TRPS1: variants seen among roughly 807,000 people sequenced by gnomAD.
The protein encoded by TRPS1 is zinc finger transcription factor Trps1.
TRPS1 carries 6 observed loss-of-function variants against 101.2 expected under a neutral mutation model. The observed-to-expected ratio is 0.06, with a 90% CI of 0.03 to 0.12. TRPS1 has a LOEUF of 0.12. Ranked by LOEUF, TRPS1 falls within the 10% of genes least tolerant of loss-of-function variation. The pLI, the probability that TRPS1 is intolerant of heterozygous loss-of-function variation, is 1.00. For synonymous variants in TRPS1, 578 were observed against 589.8 expected (o/e 0.98, Z 0.29); for missense variants, 1,363 against 1,567.0 (o/e 0.87, Z 2.20).
At chr8:115,618,697 T>A (rs926050766) in intron 3 of TRPS1, among the ~76,000 whole-genome samples, 1 of 152,070 alleles carries the variant, frequency 6.6e-6, no homozygotes, top group Non-Finnish European at 1.5e-5. Context: ...TAAAATCAAA[T>A]CCTAATCCAA....
At chr8:115,655,924 C>A (rs948405312) in intron 1 of TRPS1, among the ~76,000 whole-genome samples, 2 of 152,046 alleles carry the variant, frequency 1.3e-5, no homozygotes, top group African/African-American at 4.8e-5. Flanking sequence ...AACATTTTGG[C>A]AAAATGTTTG....
chr8:115,425,308 CTCTATCAGGT>C (rs1406358219), intron 5 of TRPS1, among the ~76,000 whole-genome samples: 1 of 152,182 alleles, frequency 6.6e-6, no homozygotes, highest in Non-Finnish European at 1.5e-5. Flanking sequence ...ACTGAAGGGA[CTCTATCAGGT>C]TCAGCCAAGC....
chr8:115,570,967 T>C (rs369166838), intron 5 of TRPS1, among the ~76,000 whole-genome samples: 2 of 152,330 alleles, frequency 1.3e-5, no homozygotes, highest in Admixed American at 6.5e-5. Flanking sequence ...AAGGTCAGAC[T>C]AGCTTGGGCT....
chr8:115,518,425 T>C (rs1414957315), intron 5 of TRPS1, among the ~76,000 whole-genome samples: 1 of 151,742 alleles, frequency 6.6e-6, no homozygotes, highest in Non-Finnish European at 1.5e-5. Flanking sequence ...ATTATAGAGA[T>C]TATCAGAAAG....
Position 115,466,845 on chromosome 8 carries a change from T to G in TRPS1, c.2701-48393A>C, listed in dbSNP as rs570892168. ...AATATTTTGACAGATTCTCCCAACTTTAATTTCCTTTTTGTAATGGTAGTG... is the reference window on the plus strand; with the variant it reads ...AATATTTTGACAGATTCTCCCAACTGTAATTTCCTTTTTGTAATGGTAGTG... On this transcript the variant is annotated intron_variant, in intron 5 of 6. Coordinates refer to ENST00000395715, the MANE Select transcript of TRPS1 (RefSeq NM_014112.5). Among the ~76,000 whole-genome samples the G allele has an allele frequency of 3.9e-5, 6 of 152,262 alleles. No individual in the cohort carries two copies. In the South Asian group the frequency reaches 8.3e-4, roughly 21 times the overall value.
intron 5 of TRPS1, among the ~76,000 whole-genome samples, chr8:115,535,874 C>T (rs894134989): frequency 6.6e-6 from 1 of 151,692 alleles, no homozygotes; most frequent in Non-Finnish European, 1.5e-5. Context: ...ATTAATAAAA[C>T]TGCAGAGCAT....
In TRPS1 at chr8:115,467,331, T is replaced by G. The variant is rs1249976129; in HGVS notation, c.2701-48879A>C. Among the ~76,000 whole-genome samples, 6 of 151,906 alleles carry G rather than the reference T, an allele frequency of 3.9e-5. 1 individual carries two copies. Among genetic ancestry groups the G allele is most frequent in the Admixed American group, 3.9e-4 (6 of 15,234 alleles). On this transcript the variant is annotated intron_variant, in intron 5 of 6. Transcript: ENST00000395715. ...AAGCTTTATGGCAAAACCCACTCAA[T>G]GATTTAAAAATGCTCCAGGAACACT... is the stretch of plus-strand genomic sequence containing the variant.
intron 5 of TRPS1, among the ~76,000 whole-genome samples, chr8:115,532,309 G>A (rs1481653219): frequency 6.6e-6 from 1 of 151,790 alleles, no homozygotes; most frequent in Non-Finnish European, 1.5e-5. Context: ...TTTGACTGAT[G>A]AAAACTGTAA....
At chr8:115,501,104 T>C (rs1180873644) in intron 5 of TRPS1, among the ~76,000 whole-genome samples, 1 of 152,226 alleles carries the variant, frequency 6.6e-6, no homozygotes, top group African/African-American at 2.4e-5. Context: ...CCACTACTCT[T>C]TTCTGGTTCT....
Position 115,413,787 on chromosome 8 carries a change from G to C in TRPS1, c.*236C>G, listed in dbSNP as rs1812844393. On this transcript the variant is annotated 3_prime_UTR_variant, in exon 7 of 7. Coordinates refer to ENST00000395715, the MANE Select transcript of TRPS1 (RefSeq NM_014112.5). ...TAGCCAAGATGGTTTTGACTTAACA[G>C]GTTTTAAAAAGTGATTGTTTACCAT... The C allele has an allele frequency of 1.9e-6, 1 of 523,204 alleles. No homozygotes were observed. Among genetic ancestry groups the C allele is most frequent in the Non-Finnish European group, 3.4e-6 (1 of 296,730 alleles). The allele number at this position is 523,204 out of a possible 1,614,324, so 32.4% of individuals were successfully genotyped here. A position where few individuals can be genotyped will look rare whatever the true frequency, so the allele number is the denominator to read the frequency against.
intron 1 of TRPS1, among the ~76,000 whole-genome samples, chr8:115,662,105 T>C (rs576538046): frequency 6.6e-6 from 1 of 151,868 alleles, no homozygotes; most frequent in South Asian, 2.1e-4. Context: ...AAAGAAGCCA[T>C]AAGCAAAAAA....
rs527409448 is a variant in TRPS1, at chr8:115,489,681, G to A, written c.2701-71229C>T. On this transcript the variant is annotated intron_variant, in intron 5 of 6. Transcript: ENST00000395715. Reference sequence around the variant, plus strand: ...AAAAATGCACACATGACATTTTGTAGAGCATGGTAAATATTATTAGAAATA... The same window carrying A: ...AAAAATGCACACATGACATTTTGTAAAGCATGGTAAATATTATTAGAAATA... Among the ~76,000 whole-genome samples, 4 of 152,178 alleles carry A rather than the reference G, an allele frequency of 2.6e-5. No homozygotes were observed. The South Asian group carries it at 8.3e-4, about 32-fold the overall frequency.
intron 5 of TRPS1, among the ~76,000 whole-genome samples, chr8:115,445,792 A>C (rs1203057195): frequency 6.6e-6 from 1 of 152,206 alleles, no homozygotes; most frequent in African/African-American, 2.4e-5. Flanking sequence ...AAAATTACTA[A>C]GGTAATACCT....
chr8:115,587,073 A>T lies in TRPS1; in HGVS notation c.2628T>A (p.Ser876=), dbSNP rs774161341. 6.2e-7 allele frequency: 1 copy of T among 1,614,136 alleles called. No individual in the cohort carries two copies. Among genetic ancestry groups the T allele is most frequent in the South Asian group, 1.1e-5 (1 of 91,090 alleles). Residue 876 remains serine, a synonymous_variant, in exon 5 of 7, where the codon TCT becomes TCA. Coordinates refer to ENST00000395715, the MANE Select transcript of TRPS1 (RefSeq NM_014112.5). ...CAGGATACTGCTGGGGGAGGGCCCC[A>T]GACTTCTCTCCGCCAGCTGGCGCCC... The part of the protein sequence containing the change: ...LQGAPAGGEK[S]GALPQQYPAS...
rs527631979 is a variant in TRPS1 at position 115,662,441 on chromosome 8, C to A, written c.-122+6104G>T. ...CAGGAACAATTCACAAAAGAAAAGT[C>A]GAAACAGTACTTAGTTCTGAGCCAC... On this transcript the variant is annotated intron_variant, in intron 1 of 6. Coordinates refer to ENST00000395715, the MANE Select transcript of TRPS1 (RefSeq NM_014112.5). Among the ~76,000 whole-genome samples the A allele has an allele frequency of 3.9e-5, 6 of 152,002 alleles. No homozygotes were observed. The South Asian group carries it at 1.2e-3, about 32-fold the overall frequency.
At chr8:115,644,024 G>A (rs566008474) in intron 1 of TRPS1, among the ~76,000 whole-genome samples, 2 of 152,314 alleles carry the variant, frequency 1.3e-5, no homozygotes, top group East Asian at 3.9e-4. Flanking sequence ...GGTCTCAACA[G>A]TGCACTTCAA....
chr8:115,474,457 G>A (rs777799851), intron 5 of TRPS1, among the ~76,000 whole-genome samples: 1 of 152,070 alleles, frequency 6.6e-6, no homozygotes, highest in African/African-American at 2.4e-5. Context: ...ACAGCACTTT[G>A]CAAGCTCTTT....
intron 5 of TRPS1, among the ~76,000 whole-genome samples, chr8:115,573,908 T>C (rs1817262026): frequency 6.6e-6 from 1 of 152,184 alleles, no homozygotes; most frequent in Admixed American, 6.5e-5. Context: ...CCAGTCTTCC[T>C]TTCCGAAACA....
At chr8:115,552,853 A>T (rs982693250) in intron 5 of TRPS1, among the ~76,000 whole-genome samples, 6 of 151,806 alleles carry the variant, frequency 4.0e-5, no homozygotes, top group Non-Finnish European at 8.8e-5. Context: ...CCCACCCCCT[A>T]AAGCCCTCTT....
Sources: allele counts gnomAD v4.1 joint callset (sites outside exome capture counted in the v4.1 genomes callset), GRCh38; gene constraint gnomAD v4.1.1; transcripts MANE v1.5; gene names NCBI Gene and HGNC (gene_info 2026-07-23, HGNC 2026-07-21).